The following GLI3 variants were observed in gnomAD, a reference collection of about 807,000 sequenced individuals.
The protein encoded by GLI3 is transcription activator GLI3.
GLI3 carries 20 observed loss-of-function variants against 100.8 expected under a neutral mutation model. That is an observed-to-expected ratio of 0.20 (90% confidence interval 0.14 to 0.29). The LOEUF (loss-of-function observed/expected upper bound fraction) is 0.29. Ranked by LOEUF, GLI3 falls within the 10% of genes least tolerant of loss-of-function variation. The pLI, the probability that GLI3 is intolerant of heterozygous loss-of-function variation, is 1.00. For missense variants in GLI3, 2,040 were observed against 2,128.5 expected (o/e 0.96, Z 0.82); for synonymous variants, 938 against 860.5 (o/e 1.09, Z -1.58).
intron 6 of GLI3, among the ~76,000 whole-genome samples, chr7:42,042,762 G>T (rs967368241): frequency 3.2e-4 from 48 of 152,086 alleles, no homozygotes; most frequent in African/African-American, 1.1e-3. Context: ...TCATAGCCTG[G>T]CTGGAACCTT....
chr7:42,145,386 A>G (rs745532077), intron 3 of GLI3: 3 of 396,072 alleles, frequency 7.6e-6, no homozygotes, highest in Non-Finnish European at 1.3e-5. Context: ...AAGAATTTAA[A>G]ATGTTAACAC....
chr7:42,173,860 T>G (rs1787426042), intron 2 of GLI3, among the ~76,000 whole-genome samples: 1 of 152,208 alleles, frequency 6.6e-6, no homozygotes, highest in Admixed American at 6.5e-5. Flanking sequence ...CCTTACCAGT[T>G]TACACTTTTA....
intron 1 of GLI3, among the ~76,000 whole-genome samples, chr7:42,231,689 A>G (rs1382282627): frequency 3.3e-5 from 5 of 152,200 alleles, no homozygotes; most frequent in Admixed American, 6.5e-5. Flanking sequence ...TTCTCTACAC[A>G]CTGCTAACTT....
chr7:42,099,724 T>G (rs1401457511), intron 3 of GLI3, among the ~76,000 whole-genome samples: 7 of 152,114 alleles, frequency 4.6e-5, no homozygotes, highest in Non-Finnish European at 8.8e-5. Flanking sequence ...AGAGACAGAG[T>G]CTTGCTATGT....
intron 4 of GLI3, among the ~76,000 whole-genome samples, chr7:42,075,321 T>A (rs1411070973): frequency 6.6e-6 from 1 of 152,234 alleles, no homozygotes; most frequent in East Asian, 1.9e-4. Flanking sequence ...TCACAAAGGC[T>A]CCAGTCTGGG....
chr7:42,010,007 T>C (rs1170610162), intron 10 of GLI3, among the ~76,000 whole-genome samples: 2 of 152,202 alleles, frequency 1.3e-5, no homozygotes, highest in Non-Finnish European at 2.9e-5. Flanking sequence ...TGTATCTAAC[T>C]TTATCAAAGA....
Position 42,136,319 on chromosome 7 carries a change from G to A in GLI3, c.367+11907C>T, listed in dbSNP as rs369040292. 2.0e-4 allele frequency among the ~76,000 whole-genome samples: 30 copies of A among 152,276 alleles called. No individual in the cohort carries two copies. The East Asian group carries it at 2.3e-3, about 12-fold the overall frequency. Reference sequence around the variant, plus strand: ...AGAAAAGGAATGCACGTAGGCCTCCGTTTCTCAGTTACAAAGCCGAGGTCT... The same window carrying A: ...AGAAAAGGAATGCACGTAGGCCTCCATTTCTCAGTTACAAAGCCGAGGTCT... On this transcript the variant is annotated intron_variant, in intron 3 of 14. Coordinates refer to ENST00000395925, the MANE Select transcript of GLI3 (RefSeq NM_000168.6).
At chr7:42,005,633 C>T (rs1031323649) in intron 10 of GLI3, among the ~76,000 whole-genome samples, 31 of 152,080 alleles carry the variant, frequency 2.0e-4, no homozygotes, top group African/African-American at 7.2e-4. Context: ...GCTCGCCTCC[C>T]CAGGTCTCCT....
chr7:42,254,122 G>A (rs1789061468), intron 1 of GLI3, among the ~76,000 whole-genome samples: 1 of 150,362 alleles, frequency 6.7e-6, no homozygotes, highest in Admixed American at 6.7e-5. Context: ...AGGAGGTTGA[G>A]GCAAGAGAAT....
At chr7:42,048,961 C>T (rs889348496) in intron 4 of GLI3, among the ~76,000 whole-genome samples, 3 of 152,108 alleles carry the variant, frequency 2.0e-5, no homozygotes, top group Admixed American at 6.6e-5. Context: ...AAATAAAGGT[C>T]AACCTATGGC....
intron 3 of GLI3, among the ~76,000 whole-genome samples, chr7:42,132,518 T>C (rs983437716): frequency 9.8e-5 from 15 of 152,330 alleles, no homozygotes; most frequent in African/African-American, 3.6e-4. Flanking sequence ...GCTGGATCTT[T>C]CCTAGAAAAA....
chr7:42,080,826 C>T (rs944385255), intron 3 of GLI3, among the ~76,000 whole-genome samples: 8 of 152,102 alleles, frequency 5.3e-5, no homozygotes, highest in Admixed American at 1.3e-4. Context: ...ATTCCATCAT[C>T]GGCCCAAAAA....
At chr7:41,987,577 A>T (rs1787866823) in intron 10 of GLI3, among the ~76,000 whole-genome samples, 1 of 152,204 alleles carries the variant, frequency 6.6e-6, no homozygotes, top group Non-Finnish European at 1.5e-5. Context: ...CTCTGTCCTC[A>T]TCGTCCAAGT....
At chr7:42,016,534 C>T (rs1424595731) in intron 10 of GLI3, among the ~76,000 whole-genome samples, 1 of 152,112 alleles carries the variant, frequency 6.6e-6, no homozygotes, top group Non-Finnish European at 1.5e-5. Flanking sequence ...ATTCCCTCAC[C>T]GTTTTATGTG....
chr7:42,086,722 T>C (rs980331187), intron 3 of GLI3, among the ~76,000 whole-genome samples: 6 of 152,004 alleles, frequency 3.9e-5, no homozygotes, highest in African/African-American at 1.4e-4. Context: ...GGGGGCTCCA[T>C]GGGATCGAGT....
chr7:42,144,931 G>A (rs866808416), intron 3 of GLI3, among the ~76,000 whole-genome samples: 67 of 152,166 alleles, frequency 4.4e-4, no homozygotes, highest in African/African-American at 1.6e-3. Context: ...CTAAAAAGAT[G>A]TTTCTGAACT....
At position 42,132,909 on chromosome 7, in the gene GLI3, T is replaced by C. The variant is rs143382855; in HGVS notation, c.367+15317A>G. On this transcript the variant is annotated intron_variant, in intron 3 of 14. Coordinates refer to ENST00000395925, the MANE Select transcript of GLI3 (RefSeq NM_000168.6). ...CCCTAAAAGGTATTTAAACATAAAA[T>C]GAGCTCAAAAAAAAAAACACAAGTA... 1.3e-4 allele frequency among the ~76,000 whole-genome samples: 19 copies of C among 151,208 alleles called. No homozygotes were observed. The East Asian group carries it at 2.1e-3, about 17-fold the overall frequency.
intron 1 of GLI3, among the ~76,000 whole-genome samples, chr7:42,262,321 G>T (rs1285729917): frequency 1.4e-4 from 21 of 150,976 alleles, no homozygotes; most frequent in Admixed American, 6.0e-4. Flanking sequence ...GTGCAGAGGT[G>T]TAAACATGGG....
At chr7:42,030,271 C>T (rs1056402111) in intron 7 of GLI3, among the ~76,000 whole-genome samples, 1 of 152,066 alleles carries the variant, frequency 6.6e-6, no homozygotes, top group African/African-American at 2.4e-5. Flanking sequence ...CACTGCCACC[C>T]GGATAATCGA....
Sources: allele counts gnomAD v4.1 joint callset (sites outside exome capture counted in the v4.1 genomes callset), GRCh38; gene constraint gnomAD v4.1.1; transcripts MANE v1.5; gene names NCBI Gene and HGNC (gene_info 2026-07-23, HGNC 2026-07-21).